Variants in ATG3 observed in about 807,000 individuals in gnomAD.
ATG3 encodes autophagy related 3.
Under a neutral mutation model 50.7 loss-of-function variants are expected in ATG3, and 25 were observed. The observed-to-expected ratio is 0.49, with a 90% confidence interval of 0.36 to 0.69. The LOEUF (loss-of-function observed/expected upper bound fraction) is 0.69. ATG3 is among the 30% of genes least tolerant of loss of function. The pLI is 0.00. For synonymous variants in ATG3, 119 were observed against 125.5 expected, an observed-to-expected ratio of 0.95 and a Z score of 0.34; for missense variants, 281 against 376.0, an observed-to-expected ratio of 0.75 and a Z score of 2.09.
At chr3:112,535,179 T>C (rs1455597261) in intron 10 of ATG3, 1 of 152,124 alleles carries the variant, frequency 6.6e-6, no homozygotes, top group Non-Finnish European at 1.5e-5. Context: ...TTGGCTTAAA[T>C]AATGCTGCTT....
At position 112,560,842 on chromosome 3, in the gene ATG3, T is replaced by C. The variant is rs551030823; in HGVS notation, c.72+615A>G. 3.9e-5 allele frequency among the ~76,000 whole-genome samples: 6 copies of C among 152,342 alleles called. No individual in the cohort carries two copies. The South Asian group carries it at 1.2e-3, about 32-fold the overall frequency. On this transcript the variant is annotated intron_variant, in intron 1 of 11. Transcript: ENST00000283290. ...TTATACAGCCAGGAAGGTCAAACCGTGCCTTGTTATCACTAATAACCAGCT... is the reference window on the plus strand; with the variant it reads ...TTATACAGCCAGGAAGGTCAAACCGCGCCTTGTTATCACTAATAACCAGCT...
chr3:112,554,370 T>C (rs542310133), intron 2 of ATG3, among the ~76,000 whole-genome samples: 28 of 152,316 alleles, frequency 1.8e-4, no homozygotes, highest in African/African-American at 6.5e-4. Context: ...TCAAGGTACT[T>C]TGTAATCTCC....
At chr3:112,554,410 T>C (rs893680874) in intron 2 of ATG3, among the ~76,000 whole-genome samples, 1 of 152,206 alleles carries the variant, frequency 6.6e-6, no homozygotes, top group African/African-American at 2.4e-5. Flanking sequence ...TTTGTAATTC[T>C]CCCCATCCTT....
intron 5 of ATG3, among the ~76,000 whole-genome samples, 176 bp from the exon 6 acceptor site, chr3:112,544,282 T>C (rs951421921): frequency 4.6e-5 from 7 of 152,160 alleles, no homozygotes; most frequent in African/African-American, 1.7e-4. Flanking sequence ...TGGCACCTCC[T>C]CAAATTTTGA....
intron 3 of ATG3, 89 bp from the exon 4 acceptor site, chr3:112,550,351 G>T: frequency 9.4e-7 from 1 of 1,066,442 alleles, no homozygotes; most frequent in Non-Finnish European, 1.4e-6. Flanking sequence ...ATCTCAAAAT[G>T]ATATAATCCA....
intron 2 of ATG3, among the ~76,000 whole-genome samples, chr3:112,554,090 G>A (rs1264074040): frequency 1.3e-5 from 2 of 152,166 alleles, no homozygotes; most frequent in African/African-American, 4.8e-5. Flanking sequence ...CAGTTTACAC[G>A]AACATGAGCT....
chr3:112,552,105 A>G (rs561971241), intron 3 of ATG3, among the ~76,000 whole-genome samples: 1 of 152,360 alleles, frequency 6.6e-6, no homozygotes, highest in South Asian at 2.1e-4. Context: ...TATTAATTAT[A>G]GAATTCCTAT....
chr3:112,552,759 T>A (rs1211441195), intron 3 of ATG3, among the ~76,000 whole-genome samples: 1 of 151,648 alleles, frequency 6.6e-6, no homozygotes, highest in Non-Finnish European at 1.5e-5. Context: ...CACACCATTC[T>A]CCTGCCTCAG....
At chr3:112,551,604 C>T (rs941968943) in intron 3 of ATG3, among the ~76,000 whole-genome samples, 1 of 152,112 alleles carries the variant, frequency 6.6e-6, no homozygotes, top group Non-Finnish European at 1.5e-5. Context: ...TACAACAATG[C>T]TATAAATCAA....
At chr3:112,559,014 C>CAG (rs2107394382) in intron 1 of ATG3, among the ~76,000 whole-genome samples, 1 of 152,356 alleles carries the variant, frequency 6.6e-6, no homozygotes, top group Admixed American at 6.5e-5. Context: ...GCTGGGATTA[C>CAG]AGGCGTGAGC....
chr3:112,561,760 C>T lies in ATG3; in HGVS notation c.-232G>A. ...TCCTCGCACCCCAGGCAGCCCGCGA[C>T]GGACCGGACCCAGCTGTCACCCAGC... On this transcript the variant is annotated 5_prime_UTR_variant, in exon 1 of 12. Transcript: ENST00000283290. The T allele has an allele frequency of 1.9e-6, 1 of 524,792 alleles. No individual in the cohort carries two copies. Among genetic ancestry groups the T allele is most frequent in the Non-Finnish European group, 3.3e-6 (1 of 299,800 alleles). The allele number at this position is 524,792 out of a possible 1,614,324, so 32.5% of individuals were successfully genotyped here. A position where few individuals can be genotyped will look rare whatever the true frequency, so the allele number is the denominator to read the frequency against.
intron 1 of ATG3, among the ~76,000 whole-genome samples, chr3:112,560,257 A>G (rs1447656623): frequency 2.0e-5 from 3 of 152,262 alleles, no homozygotes; most frequent in Non-Finnish European, 4.4e-5. Context: ...ATAATTATGT[A>G]AAAGCATTTG....
At chr3:112,543,963 G>A (rs2107375783) in intron 6 of ATG3, 94 bp downstream of exon 6, 2 of 885,658 alleles carry the variant, frequency 2.3e-6, no homozygotes, top group South Asian at 2.2e-5. Context: ...GTTTTTATAA[G>A]AAAGATATGG....
intron 9 of ATG3, chr3:112,537,486 TAAGCCTTCAA>T (rs1933102403): frequency 1.0e-5 from 3 of 289,126 alleles, no homozygotes; most frequent in Non-Finnish European, 1.9e-5. Flanking sequence ...TTTGAAGGCA[TAAGCCTTCAA>T]AAAAGGAATA....
chr3:112,535,448 CAG>C (rs767993872), intron 10 of ATG3: 1 of 152,106 alleles, frequency 6.6e-6, no homozygotes, highest in Non-Finnish European at 1.5e-5. Flanking sequence ...GTTTATACCT[CAG>C]AGAGATACGC....
At chr3:112,552,394 T>C (rs1933551767) in intron 3 of ATG3, among the ~76,000 whole-genome samples, 1 of 151,812 alleles carries the variant, frequency 6.6e-6, no homozygotes, top group South Asian at 2.1e-4. Context: ...GTAATTAAAA[T>C]AAAAGGTATT....
chr3:112,561,069 T>G lies in ATG3; in HGVS notation c.72+388A>C, dbSNP rs72940078. On this transcript the variant is annotated intron_variant, in intron 1 of 11. Transcript: ENST00000283290. ...CACCTCAGGTCTCTTTTGACCTCTG[T>G]GTGTCAAACACTAAATTCATTTTTT... Among the ~76,000 whole-genome samples the G allele has an allele frequency of 8.7e-3, 1,329 of 152,322 alleles. 15 individuals carry two copies. The highest frequency in any genetic ancestry group is 0.03 in the African/African-American group (1,265 of 41,558).
In ATG3 at chr3:112,534,236, T is replaced by C. The variant is rs1470164421; in HGVS notation, c.863+33A>G. 5 of 1,594,052 alleles carry C rather than the reference T, an allele frequency of 3.1e-6. 1 individual carries two copies. The South Asian group carries it at 5.8e-5, about 19-fold the overall frequency. ...CAAAAAAAAAATCGTTAACAGCCAT[T>C]TTGCCACTAATCTTACATACAGGGA... On this transcript the variant is annotated intron_variant, in intron 11 of 11. Transcript: ENST00000283290.
chr3:112,533,243 AGCTCTACT>A (rs2107364217), intron 11 of ATG3: 1 of 985,084 alleles, frequency 1.0e-6, no homozygotes, highest in African/African-American at 1.7e-5. Context: ...CCAAAGACTG[AGCTCTACT>A]GGACTGTCTT....
Sources: allele counts gnomAD v4.1 joint callset (sites outside exome capture counted in the v4.1 genomes callset), GRCh38; gene constraint gnomAD v4.1.1; transcripts MANE v1.5; gene names NCBI Gene and HGNC (gene_info 2026-07-23, HGNC 2026-07-21).